UXS1: variants seen among roughly 807,000 people sequenced by gnomAD.
UXS1 encodes the protein UDP-glucuronic acid decarboxylase 1.
Under a neutral mutation model 62.6 loss-of-function variants are expected in UXS1, and 33 were observed. That is an observed-to-expected ratio of 0.53 (90% confidence interval 0.40 to 0.70). UXS1 has a LOEUF of 0.70. Ranked by LOEUF, UXS1 falls within the 30% of genes least tolerant of loss-of-function variation. The pLI, the probability that UXS1 is intolerant of heterozygous loss-of-function variation, is 0.00. For missense variants in UXS1, 434 were observed against 556.3 expected, an observed-to-expected ratio of 0.78 and a Z score of 2.21; for synonymous variants, 213 against 206.8, an observed-to-expected ratio of 1.03 and a Z score of -0.26.
rs544109654 is a variant in UXS1 at position 106,194,224 on chromosome 2, C to G, written c.18G>C (p.Leu6=). The change falls in exon 1 of 15, where the codon CTG becomes CTC. Residue 6 remains leucine, a synonymous_variant. Coordinates refer to ENST00000283148, the MANE Select transcript of UXS1 (RefSeq NM_001253875.2). MVSKA[L]LRLVSAVNRR... ...GGTTGACGGCAGACACGAGGCGCAG[C>G]AGCGCCTTGCTCACCATCCCCGGGA... The G allele has an allele frequency of 9.3e-5, 135 of 1,457,450 alleles. No homozygotes were observed. The highest frequency in any genetic ancestry group is 2.0e-4 in the Middle Eastern group (1 of 5,050). 90.3% of individuals were successfully genotyped at this position (1,457,450 alleles called of 1,614,324 possible).
chr2:106,166,770 G>A (rs1338743910), intron 1 of UXS1, among the ~76,000 whole-genome samples: 1 of 140,382 alleles, frequency 7.1e-6, no homozygotes, highest in African/African-American at 2.7e-5. Flanking sequence ...TGATCCTCTC[G>A]CCTCCGCCTC....
At chr2:106,162,982 G>C (rs1682993152) in intron 4 of UXS1, among the ~76,000 whole-genome samples, 1 of 152,148 alleles carries the variant, frequency 6.6e-6, no homozygotes, top group Admixed American at 6.5e-5. Context: ...TTTAATAAAT[G>C]CTGTCATTTT....
chr2:106,170,676 C>G (rs1463746977), intron 1 of UXS1, among the ~76,000 whole-genome samples: 2 of 152,176 alleles, frequency 1.3e-5, no homozygotes. Context: ...GACACACACA[C>G]ACAGCAAAGC....
intron 1 of UXS1, among the ~76,000 whole-genome samples, chr2:106,178,159 G>A (rs1049905232): frequency 3.3e-5 from 5 of 152,274 alleles, no homozygotes; most frequent in South Asian, 2.1e-4. Flanking sequence ...CTCTGTGCCC[G>A]CCGCGTGGGG....
chr2:106,192,329 C>T (rs921204058), intron 1 of UXS1, among the ~76,000 whole-genome samples: 2 of 152,154 alleles, frequency 1.3e-5, no homozygotes, highest in African/African-American at 2.4e-5. Flanking sequence ...CCGAGGCAGG[C>T]GGATCACGAG....
chr2:106,142,350 C>G (rs377296103), intron 6 of UXS1, among the ~76,000 whole-genome samples: 20 of 152,114 alleles, frequency 1.3e-4, no homozygotes, highest in African/African-American at 4.6e-4. Context: ...AATATATAAA[C>G]AAGAAACCTA....
At chr2:106,150,433 G>A (rs564660252) in intron 5 of UXS1, among the ~76,000 whole-genome samples, 5 of 152,212 alleles carry the variant, frequency 3.3e-5, no homozygotes, top group Admixed American at 6.5e-5. Flanking sequence ...TGAGGCCAAC[G>A]TTTCCAGAGA....
intron 6 of UXS1, among the ~76,000 whole-genome samples, chr2:106,142,745 G>A (rs535613574): frequency 2.0e-5 from 3 of 152,324 alleles, no homozygotes; most frequent in African/African-American, 7.2e-5. Context: ...TTGAGGACCC[G>A]CTGAAGGAGA....
intron 5 of UXS1, among the ~76,000 whole-genome samples, chr2:106,148,196 A>G (rs1434659879): frequency 6.6e-6 from 1 of 152,202 alleles, no homozygotes; most frequent in Non-Finnish European, 1.5e-5. Context: ...GAGCTCCCAC[A>G]TTCTACTGCT....
At chr2:106,168,081 A>G (rs1426329849) in intron 1 of UXS1, among the ~76,000 whole-genome samples, 1 of 152,202 alleles carries the variant, frequency 6.6e-6, no homozygotes, top group Non-Finnish European at 1.5e-5. Flanking sequence ...GAATCACTTG[A>G]GCCCTGGAAA....
intron 5 of UXS1, among the ~76,000 whole-genome samples, chr2:106,155,959 A>C (rs1442197587): frequency 6.6e-6 from 1 of 152,166 alleles, no homozygotes; most frequent in African/African-American, 2.4e-5. Flanking sequence ...CTTAGGAAAA[A>C]AACATGGTAA....
chr2:106,124,893 C>T (rs1370524269), intron 8 of UXS1, among the ~76,000 whole-genome samples: 1 of 152,116 alleles, frequency 6.6e-6, no homozygotes, highest in Admixed American at 6.5e-5. Context: ...TGATTTTACC[C>T]TCTTACTTCC....
intron 5 of UXS1, among the ~76,000 whole-genome samples, chr2:106,156,349 C>G (rs780233333): frequency 6.6e-6 from 1 of 152,122 alleles, no homozygotes; most frequent in Non-Finnish European, 1.5e-5. Context: ...TCACTTCACA[C>G]CCAGTAGAAA....
intron 4 of UXS1, chr2:106,159,461 C>T (rs574101180): frequency 5.9e-5 from 9 of 152,366 alleles, no homozygotes; most frequent in Admixed American, 5.2e-4. Context: ...TCTTTTGATA[C>T]CCTCTTGCTG....
chr2:106,116,110 G>A (rs138642845), intron 9 of UXS1, among the ~76,000 whole-genome samples: 1 of 152,170 alleles, frequency 6.6e-6, no homozygotes, highest in African/African-American at 2.4e-5. Context: ...CTAACAGCAG[G>A]CCTGACAGGC....
At chr2:106,100,367 G>A (rs1172356232) in intron 12 of UXS1, among the ~76,000 whole-genome samples, 3 of 152,178 alleles carry the variant, frequency 2.0e-5, no homozygotes, top group Admixed American at 6.5e-5. Context: ...CAAATCCTTG[G>A]AGAGTTACCA....
rs111783776 is a variant in UXS1, at chr2:106,099,252, C to T, written c.985-479G>A. ...TAGGCTCACAGGCGAGTGTCCCCGG[C>T]AAGCCAGAGGACAAACTCCATGCAT... On this transcript the variant is annotated intron_variant, in intron 12 of 14. Transcript: ENST00000283148. 1.5e-3 allele frequency among the ~76,000 whole-genome samples: 221 copies of T among 152,298 alleles called. 1 individual carries two copies. The highest frequency in any genetic ancestry group is 4.8e-3 in the African/African-American group (201 of 41,560).
chr2:106,157,483 C>T (rs1682530815), intron 5 of UXS1, among the ~76,000 whole-genome samples: 1 of 152,176 alleles, frequency 6.6e-6, no homozygotes, highest in Non-Finnish European at 1.5e-5. Flanking sequence ...AAGTTAAACA[C>T]AGGGTTTCCA....
rs80002368 is a variant in UXS1, at chr2:106,192,549, C to A, written c.94+1599G>T. 7.1e-4 allele frequency among the ~76,000 whole-genome samples: 49 copies of A among 69,364 alleles called. No homozygotes were observed. The East Asian group carries it at 0.017, about 24-fold the overall frequency. The allele number at this position is 69,364 out of a possible 152,430, so 45.5% of individuals were successfully genotyped here. The stretch of plus-strand genomic sequence containing the variant: ...AGCCTGGGCTGAACAGAGCGAGACT[C>A]CGTCTCAAAAAAAAAAAAAAAACTT... On this transcript the variant is annotated intron_variant, in intron 1 of 14. Transcript: ENST00000283148.
Sources: gnomAD v4.1 joint callset for allele counts (sites outside exome capture counted in the v4.1 genomes callset) on GRCh38, gnomAD v4.1.1 for gene constraint, MANE v1.5 for transcripts, NCBI Gene and HGNC (gene_info 2026-07-23, HGNC 2026-07-21) for gene names.